SLCO4C1: variants seen among roughly 807,000 people sequenced by gnomAD.
SLCO4C1 encodes organic anion transporter M1.
Under a neutral mutation model 72.1 loss-of-function variants are expected in SLCO4C1, and 58 were observed. The ratio of observed to expected loss-of-function variants is 0.80; its 90% CI spans 0.65 to 1.00. The LOEUF is 1.00. Among genes scored for constraint, SLCO4C1 ranks in the 50% least tolerant of loss-of-function variants. The pLI is 0.00. For missense variants in SLCO4C1, 898 were observed against 857.9 expected (o/e 1.05, Z -0.58); for synonymous variants, 297 against 312.5 (o/e 0.95, Z 0.52).
chr5:102,291,689 T>A, intron 1 of SLCO4C1, 83 bp from the exon 2 acceptor site: 2 of 1,211,380 alleles, frequency 1.7e-6, no homozygotes, highest in Non-Finnish European at 2.2e-6. Flanking sequence ...AGAGTTTGAT[T>A]ATTCATTTCT....
chr5:102,287,451 T>C (rs1269479399), intron 2 of SLCO4C1, among the ~76,000 whole-genome samples: 1 of 152,022 alleles, frequency 6.6e-6, no homozygotes, highest in Non-Finnish European at 1.5e-5. Context: ...TAGGATTAGT[T>C]TTAGTTGTTG....
intron 2 of SLCO4C1, among the ~76,000 whole-genome samples, chr5:102,273,542 GGA>G: frequency 6.6e-6 from 1 of 152,132 alleles, no homozygotes; most frequent in South Asian, 2.1e-4. Flanking sequence ...GGCAGTAAAG[GGA>G]TGCCAAAAAA....
At chr5:102,237,429 C>T (rs1748457860) in intron 12 of SLCO4C1, among the ~76,000 whole-genome samples, 1 of 142,938 alleles carries the variant, frequency 7.0e-6, no homozygotes, top group Admixed American at 7.0e-5. Flanking sequence ...ATAGGAAACC[C>T]TGTCTCTACC....
chr5:102,280,787 TG>T (rs1355352654), intron 2 of SLCO4C1, among the ~76,000 whole-genome samples: 2 of 152,000 alleles, frequency 1.3e-5, no homozygotes, highest in Non-Finnish European at 2.9e-5. Flanking sequence ...GAGAACAGCA[TG>T]GGGGAAACCA....
chr5:102,251,182 T>C (rs1349650546), intron 8 of SLCO4C1, among the ~76,000 whole-genome samples: 1 of 152,134 alleles, frequency 6.6e-6, no homozygotes, highest in South Asian at 2.1e-4. Context: ...ACCAGTTTAA[T>C]TGAGAGCCAC....
chr5:102,242,496 G>C (rs1748564126), intron 10 of SLCO4C1, among the ~76,000 whole-genome samples: 1 of 152,108 alleles, frequency 6.6e-6, no homozygotes, highest in Non-Finnish European at 1.5e-5. Context: ...TTGCATCTAG[G>C]ATACCAACTC....
intron 10 of SLCO4C1, among the ~76,000 whole-genome samples, chr5:102,243,464 A>G (rs1748583415): frequency 6.6e-6 from 1 of 152,244 alleles, no homozygotes; most frequent in Non-Finnish European, 1.5e-5. Context: ...AGGTGTTTGC[A>G]TCACTCCACC....
At chr5:102,289,456 C>A (rs1749515959) in intron 2 of SLCO4C1, among the ~76,000 whole-genome samples, 1 of 152,176 alleles carries the variant, frequency 6.6e-6, no homozygotes, top group Non-Finnish European at 1.5e-5. Flanking sequence ...GGTTTGTTTA[C>A]TTAAGAACAA....
chr5:102,241,031 T>C (rs1748530463), intron 10 of SLCO4C1, among the ~76,000 whole-genome samples: 1 of 152,096 alleles, frequency 6.6e-6, no homozygotes. Context: ...TTTTAATAAA[T>C]GTAAAGAGAA....
rs558677069 is a variant in SLCO4C1, at chr5:102,252,415, T to C, written c.1470-2627A>G. Among the ~76,000 whole-genome samples, 26 of 152,250 alleles carry C rather than the reference T, an allele frequency of 1.7e-4. No individual in the cohort carries two copies. The South Asian group carries it at 2.1e-3, about 12-fold the overall frequency. ...CCACTCTGCCTGCAGTCTCATCTTA[T>C]TCAAATCTATTCCACAGATGCTGCC... On this transcript the variant is annotated intron_variant, in intron 8 of 12. Coordinates refer to ENST00000310954, the MANE Select transcript of SLCO4C1 (RefSeq NM_180991.5).
chr5:102,271,540 A>T (rs1336156685), intron 2 of SLCO4C1, among the ~76,000 whole-genome samples: 1 of 151,866 alleles, frequency 6.6e-6, no homozygotes, highest in Non-Finnish European at 1.5e-5. Flanking sequence ...ACAAATATGC[A>T]ATCCCACCAA....
At chr5:102,274,188 C>G (rs1382580973) in intron 2 of SLCO4C1, among the ~76,000 whole-genome samples, 1 of 152,006 alleles carries the variant, frequency 6.6e-6, no homozygotes, top group East Asian at 1.9e-4. Flanking sequence ...CATGGGGGTC[C>G]TGGAACCAAT....
chr5:102,258,108 C>G (rs746595702), intron 6 of SLCO4C1, 21 bp from the exon 7 acceptor site: 5 of 1,524,620 alleles, frequency 3.3e-6, no homozygotes, highest in Non-Finnish European at 3.5e-6. Context: ...AAATACAGTT[C>G]CTCAAATGAA....
chr5:102,262,973 GA>G (rs1272542718), intron 4 of SLCO4C1, among the ~76,000 whole-genome samples: 1 of 151,440 alleles, frequency 6.6e-6, no homozygotes, highest in Non-Finnish European at 1.5e-5. Flanking sequence ...GTGGCAAAAT[GA>G]AAAAAAATAT....
chr5:102,290,586 CT>C (rs1749533749), intron 2 of SLCO4C1, among the ~76,000 whole-genome samples: 1 of 152,136 alleles, frequency 6.6e-6, no homozygotes, highest in African/African-American at 2.4e-5. Flanking sequence ...TCCAATTATC[CT>C]TTGTCTTTTA....
At chr5:102,279,315 G>A (rs1253030050) in intron 2 of SLCO4C1, among the ~76,000 whole-genome samples, 2 of 152,000 alleles carry the variant, frequency 1.3e-5, no homozygotes, top group Non-Finnish European at 2.9e-5. Flanking sequence ...TGGTGCAGAA[G>A]TAACTGCAGT....
chr5:102,268,187 T>C (rs1749078525), intron 3 of SLCO4C1, among the ~76,000 whole-genome samples: 1 of 152,148 alleles, frequency 6.6e-6, no homozygotes, highest in Non-Finnish European at 1.5e-5. Context: ...AAGTGGGGCA[T>C]TAAAGTTCCC....
chr5:102,261,828 T>C, intron 5 of SLCO4C1, 84 bp downstream of exon 5: 1 of 1,374,942 alleles, frequency 7.3e-7, no homozygotes, highest in Non-Finnish European at 9.7e-7. Context: ...AGGGTGAATC[T>C]ATAGTTCTTA....
intron 1 of SLCO4C1, among the ~76,000 whole-genome samples, chr5:102,294,145 T>G (rs1050068389): frequency 6.6e-6 from 1 of 151,882 alleles, no homozygotes; most frequent in Non-Finnish European, 1.5e-5. Context: ...CTGACCTCAG[T>G]TGATCTGCCT....
Sources: allele counts gnomAD v4.1 joint callset (sites outside exome capture counted in the v4.1 genomes callset), GRCh38; gene constraint gnomAD v4.1.1; transcripts MANE v1.5; gene names NCBI Gene and HGNC (gene_info 2026-07-23, HGNC 2026-07-21).